The following FHIP2B variants were observed in gnomAD, a reference collection of about 807,000 sequenced individuals.
The protein encoded by FHIP2B is FHF complex subunit HOOK-interacting protein 2B.
In FHIP2B, 72 loss-of-function variants were observed where a neutral mutation model predicts 84.0. The observed-to-expected ratio is 0.86, with a 90% confidence interval of 0.71 to 1.04. The LOEUF (loss-of-function observed/expected upper bound fraction) is 1.04. Ranked by LOEUF, FHIP2B falls within the 50% of genes least tolerant of loss-of-function variation. The pLI is 0.00. For synonymous variants in FHIP2B, 497 were observed against 418.7 expected (o/e 1.19, Z -2.28); for missense variants, 972 against 968.9 (o/e 1.00, Z -0.04).
Position 22,102,520 on chromosome 8 carries a change from C to T in FHIP2B, c.1993-8C>T, listed in dbSNP as rs760655107. On this transcript the variant is annotated splice_region_variant and splice_polypyrimidine_tract_variant and intron_variant, in intron 15 of 16. Transcript: ENST00000289921. ...CCCCATCTGAGTCCCCTGTGATTCC[C>T]GCTGTAGGTGATCGGGGACTTGATG... The T allele has an allele frequency of 1.5e-5, 24 of 1,554,158 alleles. No homozygotes were observed. The highest frequency in any genetic ancestry group is 1.8e-5 in the Non-Finnish European group (21 of 1,149,108).
intron 10 of FHIP2B, 41 bp from the exon 11 acceptor site, chr8:22,100,553 G>GT: frequency 6.7e-7 from 1 of 1,493,522 alleles, no homozygotes; most frequent in Admixed American, 2.4e-5. Flanking sequence ...TGGGAGCTGG[G>GT]TGGGGAAGGG....
chr8:22,099,734 C>A lies in FHIP2B; in HGVS notation c.1182C>A (p.Ala394=). 1.3e-6 allele frequency: 2 copies of A among 1,599,414 alleles called. No homozygotes were observed. Among genetic ancestry groups the A allele is most frequent in the Non-Finnish European group, 8.5e-7 (1 of 1,176,038 alleles). The change falls in exon 10 of 17, where the codon GCC becomes GCA. Residue 394 remains alanine, a synonymous_variant. Transcript: ENST00000289921. ...VSEQSILTST[A]LLTAMLRQLR... is the part of the protein sequence containing the mutation. ...AGCAGAGCATCTTGACCTCCACCGC[C>A]CTCCTCACAGCCATGCTGCGCCAGC...
chr8:22,093,780 G>A (rs971407156), intron 1 of FHIP2B, among the ~76,000 whole-genome samples: 11 of 130,704 alleles, frequency 8.4e-5, no homozygotes, highest in African/African-American at 2.0e-4. Flanking sequence ...GCAGCGCTGC[G>A]ATCACAATTC....
chr8:22,100,034 T>C (rs1472005109), intron 10 of FHIP2B, 141 bp downstream of exon 10: 10 of 817,418 alleles, frequency 1.2e-5, no homozygotes, highest in Admixed American at 3.7e-5. Context: ...GAGCCACTTT[T>C]ATCACACACT....
intron 1 of FHIP2B, among the ~76,000 whole-genome samples, chr8:22,093,763 C>T (rs1825623043): frequency 7.8e-6 from 1 of 128,716 alleles, no homozygotes; most frequent in Non-Finnish European, 1.6e-5. Flanking sequence ...GTCACCTAGG[C>T]TGGAGTGCAG....
chr8:22,094,573 G>T, intron 2 of FHIP2B, 55 bp downstream of exon 2: 1 of 1,602,762 alleles, frequency 6.2e-7, no homozygotes, highest in Non-Finnish European at 8.5e-7. Flanking sequence ...GGAGGAAGGA[G>T]TGTGCAGAGT....
At chr8:22,097,394 C>T in intron 3 of FHIP2B, 122 bp from the exon 4 acceptor site, 1 of 621,128 alleles carries the variant, frequency 1.6e-6, no homozygotes, top group Non-Finnish European at 2.9e-6. Context: ...TCAGTACCCC[C>T]CAGGCATGCG....
chr8:22,100,725 C>A lies in FHIP2B; in HGVS notation c.1473C>A (p.Ser491Arg). ...CCTGGGGCTCACCAGAGCCTGAGAGCTATGAGGACACCCTGTAAGTGAAAC... is the reference window on the plus strand; with the variant it reads ...CCTGGGGCTCACCAGAGCCTGAGAGATATGAGGACACCCTGTAAGTGAAAC... ...YVAWGSPEPE[S>R]YEDTLDLEED... is the part of the protein sequence containing the mutation. Residue 491 changes from serine (S) to arginine (R), a missense_variant, in exon 11 of 17, where the codon AGC becomes AGA. Coordinates refer to ENST00000289921, the MANE Select transcript of FHIP2B (RefSeq NM_022749.7). The A allele has an allele frequency of 6.2e-7, 1 of 1,604,180 alleles. No homozygotes were observed. The highest frequency in any genetic ancestry group is 1.7e-4 in the Middle Eastern group (1 of 6,014).
intron 1 of FHIP2B, among the ~76,000 whole-genome samples, chr8:22,090,598 C>T (rs1825438570): frequency 6.6e-6 from 1 of 152,180 alleles, no homozygotes; most frequent in African/African-American, 2.4e-5. Context: ...CAGACAGTTC[C>T]TCAGTCCTGA....
intron 10 of FHIP2B, chr8:22,100,276 G>A (rs552197334): frequency 5.2e-6 from 2 of 384,384 alleles, no homozygotes; most frequent in South Asian, 6.1e-5. Flanking sequence ...TTGGCTCGCT[G>A]GAAGGCTAAC....
rs200042774 is a variant in FHIP2B at position 22,097,855 on chromosome 8, G to A, written c.525+16G>A. The A allele has an allele frequency of 3.9e-5, 63 of 1,609,948 alleles. No individual in the cohort carries two copies. The highest frequency in any genetic ancestry group is 1.7e-4 in the Middle Eastern group (1 of 5,950). On this transcript the variant is annotated intron_variant, in intron 5 of 16. Coordinates refer to ENST00000289921, the MANE Select transcript of FHIP2B (RefSeq NM_022749.7). ...CATCCTGGAAGTGAGCACTCTGATC[G>A]GGAACAGGAGGGGGAGGGCCCAGAA... is the stretch of plus-strand genomic sequence containing the variant.
intron 14 of FHIP2B, 142 bp from the exon 15 acceptor site, chr8:22,102,033 C>T: frequency 1.3e-6 from 2 of 1,537,274 alleles, no homozygotes; most frequent in South Asian, 1.2e-5. Flanking sequence ...GGCCCTCAGC[C>T]CCATGGAATC....
intron 1 of FHIP2B, chr8:22,089,829 C>T (rs901890333): frequency 1.6e-6 from 2 of 1,284,954 alleles, no homozygotes; most frequent in African/African-American, 1.5e-5. Context: ...AAGTGCAGGC[C>T]CTGCCGGTCC....
At chr8:22,089,832 G>A (rs1385738693) in intron 1 of FHIP2B, 5 of 1,284,818 alleles carry the variant, frequency 3.9e-6, no homozygotes, top group Non-Finnish European at 5.1e-6. Flanking sequence ...TGCAGGCCCT[G>A]CCGGTCCAAG....
chr8:22,104,525 C>T lies in FHIP2B; in HGVS notation c.*1594C>T, dbSNP rs1272860602. Reference sequence around the variant, plus strand: ...GTGGGGTGGGCGGTAAACAGACAGGCTCTGGCAGTGCAGATCTGCTGATCC... The same window carrying T: ...GTGGGGTGGGCGGTAAACAGACAGGTTCTGGCAGTGCAGATCTGCTGATCC... On this transcript the variant is annotated 3_prime_UTR_variant, in exon 17 of 17. Transcript: ENST00000289921. The T allele has an allele frequency of 1.3e-5, 2 of 152,204 alleles. No individual in the cohort carries two copies. Among genetic ancestry groups the T allele is most frequent in the African/African-American group, 4.8e-5 (2 of 41,442 alleles). The allele number at this position is 152,204 out of a possible 1,614,324, so 9.4% of individuals were successfully genotyped here.
At position 22,100,639 on chromosome 8, in the gene FHIP2B, CCCCACGAGGGGATCAT is replaced by C. The variant is rs1280484560; in HGVS notation, c.1390_1405del (p.His464ThrfsTer28). 1.3e-6 allele frequency: 2 copies of C among 1,596,450 alleles called. No homozygotes were observed. Among genetic ancestry groups the C allele is most frequent in the Non-Finnish European group, 1.7e-6 (2 of 1,171,164 alleles). ...GCTGTTTGAGGAGCTGCTGCAGAAG[CCCCACGAGGGGATCAT>C]CCACAGCCTGGTCCTGCGCAACCTT... On this transcript the variant is annotated frameshift_variant, in exon 11 of 17. Coordinates refer to ENST00000289921, the MANE Select transcript of FHIP2B (RefSeq NM_022749.7). LOFTEE classifies it high-confidence loss of function.
intron 6 of FHIP2B, 42 bp downstream of exon 6, chr8:22,098,352 G>GGGGGC: frequency 6.5e-7 from 1 of 1,534,980 alleles, no homozygotes; most frequent in Non-Finnish European, 8.8e-7. Context: ...TGGGGGAAGG[G>GGGGGC]TGGGTTGACG....
chr8:22,094,609 G>A, intron 2 of FHIP2B, 91 bp downstream of exon 2: 1 of 1,583,484 alleles, frequency 6.3e-7, no homozygotes, highest in Non-Finnish European at 8.5e-7. Flanking sequence ...TCCTGGGAAA[G>A]GTAACCTGCC....
At position 22,102,910 on chromosome 8, in the gene FHIP2B, A is replaced by C; in HGVS notation, c.2211A>C (p.Pro737=). 1 of 1,613,556 alleles carries C rather than the reference A, an allele frequency of 6.2e-7. No individual in the cohort carries two copies. ...PPHDPRQNVS[P]APEGQV is the part of the protein sequence containing the mutation. ...ATGATCCTCGCCAGAACGTCTCCCC[A>C]GCCCCGGAAGGGCAGGTCTGAGCCA... The change falls in exon 17 of 17, where the codon CCA becomes CCC. Residue 737 remains proline, a synonymous_variant. Transcript: ENST00000289921.
Sources: gnomAD v4.1 joint callset for allele counts (sites outside exome capture counted in the v4.1 genomes callset) on GRCh38, gnomAD v4.1.1 for gene constraint, MANE v1.5 for transcripts, NCBI Gene and HGNC (gene_info 2026-07-23, HGNC 2026-07-21) for gene names.